CNOT1: variants seen among roughly 807,000 people sequenced by gnomAD.
CNOT1 encodes the protein CCR4-NOT transcription complex subunit 1.
CNOT1 carries 15 observed loss-of-function variants against 273.8 expected under a neutral mutation model. That is an observed-to-expected ratio of 0.05 (90% confidence interval 0.04 to 0.08). The LOEUF is 0.08. Among genes scored for constraint, CNOT1 ranks in the 10% least tolerant of loss-of-function variants. The pLI is 1.00. For synonymous variants in CNOT1, 1,022 were observed against 1,005.5 expected (o/e 1.02, Z -0.31); for missense variants, 1,644 against 2,912.2 (o/e 0.56, Z 10.02).
At chr16:58,591,249 T>C (rs921409407) in intron 2 of CNOT1, among the ~76,000 whole-genome samples, 2 of 152,284 alleles carry the variant, frequency 1.3e-5, no homozygotes, top group East Asian at 1.9e-4. Flanking sequence ...GACTGTGTTA[T>C]CAACCTAAAA....
At chr16:58,606,810 A>AG (rs1377221764) in intron 1 of CNOT1, among the ~76,000 whole-genome samples, 1 of 152,162 alleles carries the variant, frequency 6.6e-6, no homozygotes, top group Non-Finnish European at 1.5e-5. Context: ...TATCAAAAAA[A>AG]AAGAAAAAAA....
chr16:58,561,896 C>T (rs1280586525), intron 16 of CNOT1, among the ~76,000 whole-genome samples: 2 of 152,094 alleles, frequency 1.3e-5, no homozygotes, highest in African/African-American at 4.8e-5. Flanking sequence ...CTACTCGGGC[C>T]GGGTGCGGTG....
intron 1 of CNOT1, among the ~76,000 whole-genome samples, chr16:58,626,486 G>A (rs151815): frequency 0.34 from 51,145 of 150,662 alleles, 10,064 homozygotes; most frequent in Non-Finnish European, 0.45. Context: ...ACTAGGCTGG[G>A]CACGGTCACT....
At chr16:58,611,483 A>G (rs2152034415) in intron 1 of CNOT1, among the ~76,000 whole-genome samples, 1 of 152,178 alleles carries the variant, frequency 6.6e-6, no homozygotes, top group South Asian at 2.1e-4. Flanking sequence ...AGAACCACTG[A>G]CCTAAGGAGC....
intron 36 of CNOT1, among the ~76,000 whole-genome samples, 197 bp downstream of exon 36, chr16:58,538,575 C>G (rs1035239449): frequency 6.6e-6 from 1 of 152,152 alleles, no homozygotes; most frequent in African/African-American, 2.4e-5. Context: ...TACTGGTTTT[C>G]TATATCCAAC....
rs886324203 is a variant in CNOT1 at position 58,582,982 on chromosome 16, C to G, written c.933+74G>C. 4.4e-6 allele frequency: 7 copies of G among 1,607,282 alleles called. No individual in the cohort carries two copies. In the African/African-American group the frequency reaches 8.1e-5, roughly 19 times the overall value. ...CTGGTCGATAGAACAATCAATCATA[C>G]TGTAATTTAATTAAAAAAAAATAAA... On this transcript the variant is annotated intron_variant, in intron 9 of 48. Transcript: ENST00000317147.
At chr16:58,549,583 A>T (rs1311382396) in intron 25 of CNOT1, 136 bp downstream of exon 25, 1 of 1,373,514 alleles carries the variant, frequency 7.3e-7, no homozygotes, top group Non-Finnish European at 9.5e-7. Context: ...CATATAAGAA[A>T]CAAAATCTAC....
intron 16 of CNOT1, among the ~76,000 whole-genome samples, chr16:58,571,886 T>G (rs1461753537): frequency 1.3e-5 from 2 of 151,972 alleles, no homozygotes; most frequent in African/African-American, 4.8e-5. Context: ...CAAGAATCGC[T>G]TAAACCTAGG....
At chr16:58,625,857 C>CA (rs35404068) in intron 1 of CNOT1, among the ~76,000 whole-genome samples, 23,490 of 106,266 alleles carry the variant, frequency 0.22, 3,777 homozygotes, top group African/African-American at 0.45. Context: ...AACCCTGTCT[C>CA]AAAAAAAAAA....
intron 44 of CNOT1, chr16:58,528,018 C>T (rs773273036): frequency 4.1e-5 from 15 of 367,762 alleles, no homozygotes; most frequent in Non-Finnish European, 7.0e-5. Context: ...GAGGCTGAGG[C>T]GGGAGAATAG....
At chr16:58,553,355 C>T (rs2040518382) in intron 22 of CNOT1, among the ~76,000 whole-genome samples, 1 of 152,000 alleles carries the variant, frequency 6.6e-6, no homozygotes. Flanking sequence ...TTTTAATAAA[C>T]ATGATCTAAG....
Position 58,587,115 on chromosome 16 carries a change from C to T in CNOT1, c.433+86G>A, listed in dbSNP as rs868100727. On this transcript the variant is annotated intron_variant, in intron 6 of 48. Transcript: ENST00000317147. ...AATTAATTTCAGATTATCTTACTCTCTAAGTCTAAATCACAGAGCCTCATG... is the reference window on the plus strand; with the variant it reads ...AATTAATTTCAGATTATCTTACTCTTTAAGTCTAAATCACAGAGCCTCATG... 3.7e-5 allele frequency: 55 copies of T among 1,505,380 alleles called. No individual in the cohort carries two copies. The East Asian group carries it at 1.2e-3, about 33-fold the overall frequency. The allele number at this position is 1,505,380 out of a possible 1,614,324, so 93.3% of individuals were successfully genotyped here.
intron 10 of CNOT1, among the ~76,000 whole-genome samples, chr16:58,581,718 G>A (rs938285023): frequency 6.6e-6 from 1 of 151,792 alleles, no homozygotes; most frequent in South Asian, 2.1e-4. Context: ...CTGCAGTGCA[G>A]TGGCATGATC....
rs937403203 is a variant in CNOT1, at chr16:58,604,509, C to T, written c.-174-4998G>A. ...AAAAAACACTGCAAAAGGCTGGGCGCGGTGGCTCATGCCTGTAATCCCAGC... is the reference window on the plus strand; with the variant it reads ...AAAAAACACTGCAAAAGGCTGGGCGTGGTGGCTCATGCCTGTAATCCCAGC... On this transcript the variant is annotated intron_variant, in intron 1 of 48. Transcript: ENST00000317147. Among the ~76,000 whole-genome samples, 24 of 151,344 alleles carry T rather than the reference C, an allele frequency of 1.6e-4. No individual in the cohort carries two copies. In the East Asian group the frequency reaches 4.1e-3, roughly 26 times the overall value.
chr16:58,576,117 T>A (rs1284439126), intron 14 of CNOT1, among the ~76,000 whole-genome samples: 2 of 151,864 alleles, frequency 1.3e-5, no homozygotes, highest in Non-Finnish European at 2.9e-5. Context: ...TTTCCTTTTT[T>A]CTTTTTTTTT....
chr16:58,588,336 G>T (rs1464169114), intron 3 of CNOT1, among the ~76,000 whole-genome samples: 4 of 151,666 alleles, frequency 2.6e-5, no homozygotes, highest in African/African-American at 9.7e-5. Flanking sequence ...AAGATGTAAA[G>T]AAAGTTATAA....
intron 29 of CNOT1, among the ~76,000 whole-genome samples, chr16:58,545,711 C>G (rs1301806413): frequency 6.6e-6 from 1 of 152,170 alleles, no homozygotes; most frequent in Non-Finnish European, 1.5e-5. Flanking sequence ...AGTGCCAGTG[C>G]CCCACAGCAC....
chr16:58,624,437 G>A (rs1273390784), intron 1 of CNOT1, among the ~76,000 whole-genome samples: 6 of 152,328 alleles, frequency 3.9e-5, no homozygotes, highest in East Asian at 3.9e-4. Context: ...CAGGTATGCT[G>A]GAGGTTAGTT....
chr16:58,612,939 ACAACTCAAGGGTGATATTATTACCC>A (rs2042949617), intron 1 of CNOT1, among the ~76,000 whole-genome samples: 1 of 152,180 alleles, frequency 6.6e-6, no homozygotes, highest in Non-Finnish European at 1.5e-5. Flanking sequence ...TTTAATCCTC[ACAACTCAAGGGTGATATTATTACCC>A]CAACTTTACA....
Sources: gnomAD v4.1 joint callset for allele counts (sites outside exome capture counted in the v4.1 genomes callset) on GRCh38, gnomAD v4.1.1 for gene constraint, MANE v1.5 for transcripts, NCBI Gene and HGNC (gene_info 2026-07-23, HGNC 2026-07-21) for gene names.